MEIOSIN: variants seen among roughly 807,000 people sequenced by gnomAD.
The protein encoded by MEIOSIN is meiosis initiator protein.
In MEIOSIN, 18 loss-of-function variants were observed where a neutral mutation model predicts 23.4. That is an observed-to-expected ratio of 0.77 (90% CI 0.53 to 1.14). MEIOSIN has a LOEUF of 1.14. Among genes scored for constraint, MEIOSIN ranks in the 50% most tolerant of loss-of-function variants. The pLI is 0.00. For synonymous variants in MEIOSIN, 187 were observed against 100.6 expected (o/e 1.86, Z -5.14); for missense variants, 428 against 242.9 (o/e 1.76, Z -5.07).
intron 2 of MEIOSIN, among the ~76,000 whole-genome samples, chr19:45,738,297 G>A (rs1968441981): frequency 6.6e-6 from 1 of 152,182 alleles, no homozygotes; most frequent in African/African-American, 2.4e-5. Context: ...GTTATGTCCT[G>A]ATAAACCCAT....
chr19:45,744,407 G>C (rs1041383310), intron 3 of MEIOSIN, among the ~76,000 whole-genome samples: 1 of 152,004 alleles, frequency 6.6e-6, no homozygotes, highest in Non-Finnish European at 1.5e-5. Context: ...CAGTCACATA[G>C]GGCCCTGTGC....
chr19:45,763,069 C>A (rs1235816756), intron 13 of MEIOSIN, among the ~76,000 whole-genome samples: 1 of 149,900 alleles, frequency 6.7e-6, no homozygotes, highest in African/African-American at 2.5e-5. Flanking sequence ...GATGGGGAGG[C>A]CCCCCCCAAG....
At chr19:45,753,514 C>T (rs1311255607) in intron 5 of MEIOSIN, 137 bp from the exon 6 acceptor site, 1 of 582,810 alleles carries the variant, frequency 1.7e-6, no homozygotes, top group Non-Finnish European at 3.1e-6. Context: ...TGGATAAGCC[C>T]TCAGTTTCCA....
chr19:45,746,206 A>G (rs1442595706), intron 4 of MEIOSIN, among the ~76,000 whole-genome samples: 1 of 152,096 alleles, frequency 6.6e-6, no homozygotes, highest in African/African-American at 2.4e-5. Flanking sequence ...ACCTCAAGTG[A>G]TCCTCCCACC....
At chr19:45,752,605 G>C (rs1968735000) in intron 5 of MEIOSIN, among the ~76,000 whole-genome samples, 1 of 150,244 alleles carries the variant, frequency 6.7e-6, no homozygotes. Context: ...CTCCCGCCTT[G>C]GCCTCCCAAA....
At chr19:45,739,104 T>C (rs1968458133) in intron 2 of MEIOSIN, among the ~76,000 whole-genome samples, 1 of 152,172 alleles carries the variant, frequency 6.6e-6, no homozygotes, top group African/African-American at 2.4e-5. Context: ...TTGTCTGTGT[T>C]GGCTTCTGTC....
intron 11 of MEIOSIN, among the ~76,000 whole-genome samples, 153 bp downstream of exon 11, chr19:45,759,643 C>T (rs1300292047): frequency 2.0e-5 from 3 of 152,104 alleles, no homozygotes; most frequent in Non-Finnish European, 2.9e-5. Flanking sequence ...TCCTTAAAAC[C>T]GCCCCCCGAC....
chr19:45,763,481 C>T (rs1968990366), intron 14 of MEIOSIN, 54 bp downstream of exon 14: 1 of 398,562 alleles, frequency 2.5e-6, no homozygotes, highest in Non-Finnish European at 4.4e-6. Flanking sequence ...CCTCCCTACC[C>T]CGGAACCCTG....
chr19:45,764,367 G>A lies in MEIOSIN; in HGVS notation c.*249G>A. 2 of 374,644 alleles carry A rather than the reference G, an allele frequency of 5.3e-6. No homozygotes were observed. The highest frequency in any genetic ancestry group is 9.5e-6 in the Non-Finnish European group (2 of 210,984). The allele number at this position is 374,644 out of a possible 1,614,324, so 23.2% of individuals were successfully genotyped here. On this transcript the variant is annotated 3_prime_UTR_variant, in exon 15 of 15. Coordinates refer to ENST00000457052, the MANE Select transcript of MEIOSIN (RefSeq NM_001310124.2). ...GAAGGAAACCCAAAATGAAATGCGG[G>A]GTGTCGGAAGGTGAAGTTTACCCAC...
chr19:45,754,202 C>A (rs545277218), intron 6 of MEIOSIN, among the ~76,000 whole-genome samples: 3 of 152,296 alleles, frequency 2.0e-5, no homozygotes, highest in Non-Finnish European at 4.4e-5. Context: ...GTCTTGAACT[C>A]CTGACCTCAA....
At chr19:45,759,334 A>C in intron 10 of MEIOSIN, 80 bp from the exon 11 acceptor site, 1 of 694,190 alleles carries the variant, frequency 1.4e-6, no homozygotes, top group Non-Finnish European at 2.6e-6. Flanking sequence ...GACTCCGGCT[A>C]GCAGGGACGG....
chr19:45,756,719 C>T (rs1216827704), intron 8 of MEIOSIN, among the ~76,000 whole-genome samples: 6 of 152,258 alleles, frequency 3.9e-5, no homozygotes, highest in East Asian at 1.9e-4. Flanking sequence ...CCACTGCACC[C>T]GGCCCGGATA....
rs539138448 is a variant in MEIOSIN at position 45,763,088 on chromosome 19, G to A, written c.1680-250G>A. Among the ~76,000 whole-genome samples, 9 of 152,344 alleles carry A rather than the reference G, an allele frequency of 5.9e-5. No homozygotes were observed. In the East Asian group the frequency reaches 1.5e-3, roughly 26 times the overall value. On this transcript the variant is annotated intron_variant, in intron 13 of 14. Transcript: ENST00000457052. ...GGGAGGCCCCCCCCAAGCCACAGTG[G>A]AAAACAGCTAGTTCCTTTACAGGAA...
Position 45,757,188 on chromosome 19 carries a change from T to A in MEIOSIN, c.923T>A (p.Val308Glu). Residue 308 changes from valine (V) to glutamate (E), a missense_variant, in exon 9 of 15, where the codon GTG becomes GAG. Val to Glu is a moderately radical substitution (Grantham distance 121). Coordinates refer to ENST00000457052, the MANE Select transcript of MEIOSIN (RefSeq NM_001310124.2). ...KTQPHPRQKL[V>E]FYDSSEDVDK... is the part of the protein sequence containing the mutation. Reference sequence around the variant, plus strand: ...TCCACCTCTTGCAGGCAGAAGCTGGTGTTCTATGATTCCAGCGAGGATGTG... The same window carrying A: ...TCCACCTCTTGCAGGCAGAAGCTGGAGTTCTATGATTCCAGCGAGGATGTG... 1.4e-6 allele frequency: 1 copy of A among 702,874 alleles called. No individual in the cohort carries two copies. Among genetic ancestry groups the A allele is most frequent in the Non-Finnish European group, 2.6e-6 (1 of 384,928 alleles). 43.5% of individuals were successfully genotyped at this position (702,874 alleles called of 1,614,324 possible). A position where few individuals can be genotyped will look rare whatever the true frequency, so the allele number is the denominator to read the frequency against.
At chr19:45,763,044 G>A (rs1968979906) in intron 13 of MEIOSIN, among the ~76,000 whole-genome samples, 1 of 152,186 alleles carries the variant, frequency 6.6e-6, no homozygotes, top group Admixed American at 6.5e-5. Flanking sequence ...GTCACTGCCA[G>A]GCCTGGAGCC....
intron 2 of MEIOSIN, among the ~76,000 whole-genome samples, chr19:45,736,083 C>T (rs1600372907): frequency 6.6e-6 from 1 of 152,202 alleles, no homozygotes; most frequent in Middle Eastern, 3.4e-3. Context: ...CTGTTGCCCA[C>T]GTTAGAGTGC....
intron 3 of MEIOSIN, among the ~76,000 whole-genome samples, chr19:45,742,002 A>G (rs1009520329): frequency 4.0e-5 from 6 of 151,710 alleles, no homozygotes; most frequent in Non-Finnish European, 8.8e-5. Context: ...CAGCCTCCCA[A>G]GTAGCTGAGA....
chr19:45,734,124 G>A (rs1284059159), intron 1 of MEIOSIN, among the ~76,000 whole-genome samples: 2 of 152,120 alleles, frequency 1.3e-5, no homozygotes, highest in Non-Finnish European at 2.9e-5. Flanking sequence ...AAATCCCAAT[G>A]TAGAGTATGA....
intron 8 of MEIOSIN, among the ~76,000 whole-genome samples, chr19:45,756,454 G>A (rs532524855): frequency 2.2e-4 from 34 of 152,260 alleles, no homozygotes; most frequent in African/African-American, 7.7e-4. Flanking sequence ...GTCTCACTCT[G>A]TCGCCCAGGC....
Sources: gnomAD v4.1 joint callset for allele counts (sites outside exome capture counted in the v4.1 genomes callset) on GRCh38, gnomAD v4.1.1 for gene constraint, MANE v1.5 for transcripts, NCBI Gene and HGNC (gene_info 2026-07-23, HGNC 2026-07-21) for gene names.